TMEM65: variants seen among roughly 807,000 people sequenced by gnomAD.
TMEM65 encodes transmembrane protein 65.
A neutral mutation model predicts 25.4 loss-of-function variants in TMEM65; 22 were observed. The ratio of observed to expected loss-of-function variants is 0.86; its 90% CI spans 0.62 to 1.23. The LOEUF (loss-of-function observed/expected upper bound fraction) is 1.23. Among genes scored for constraint, TMEM65 ranks in the 50% most tolerant of loss-of-function variants. TMEM65 has a pLI of 0.00. For missense variants in TMEM65, 262 were observed against 308.2 expected, an observed-to-expected ratio of 0.85 and a Z score of 1.12; for synonymous variants, 132 against 126.2, an observed-to-expected ratio of 1.05 and a Z score of -0.31.
intron 1 of TMEM65, among the ~76,000 whole-genome samples, chr8:124,355,864 G>C (rs1197375504): frequency 6.6e-6 from 1 of 152,186 alleles, no homozygotes; most frequent in Non-Finnish European, 1.5e-5. Flanking sequence ...AGGTGAACAG[G>C]TGAAGGCAGA....
chr8:124,317,197 A>C (rs1814247849), intron 6 of TMEM65, among the ~76,000 whole-genome samples: 3 of 152,164 alleles, frequency 2.0e-5, no homozygotes, highest in Non-Finnish European at 2.9e-5. Flanking sequence ...TCTTCATTAA[A>C]ATAAATTCCA....
At chr8:124,322,259 A>T in intron 4 of TMEM65, 112 bp from the exon 5 acceptor site, 1 of 729,326 alleles carries the variant, frequency 1.4e-6, no homozygotes, top group Non-Finnish European at 2.2e-6. Flanking sequence ...AAACAACAGC[A>T]ACCATATCCA....
intron 1 of TMEM65, among the ~76,000 whole-genome samples, chr8:124,334,763 C>CAAAAAAAA: frequency 1.2e-5 from 1 of 86,028 alleles, no homozygotes; most frequent in Non-Finnish European, 2.5e-5. Context: ...GACTCCGTCT[C>CAAAAAAAA]AAAAAAAAAA....
chr8:124,320,017 G>A, intron 6 of TMEM65, 69 bp downstream of exon 6: 1 of 1,136,204 alleles, frequency 8.8e-7, no homozygotes, highest in Non-Finnish European at 1.2e-6. Flanking sequence ...AATTTCTCAA[G>A]GGCCTGAACT....
At chr8:124,319,930 A>C (rs1306036810) in intron 6 of TMEM65, among the ~76,000 whole-genome samples, 156 bp downstream of exon 6, 1 of 152,224 alleles carries the variant, frequency 6.6e-6, no homozygotes, top group African/African-American at 2.4e-5. Context: ...TAATAACACA[A>C]ATTACTGTTC....
chr8:124,333,451 C>T (rs1358753001), intron 1 of TMEM65, among the ~76,000 whole-genome samples: 1 of 140,170 alleles, frequency 7.1e-6, no homozygotes, highest in Admixed American at 7.6e-5. Flanking sequence ...ACAGTTCTTT[C>T]CATCTGTGTG....
At chr8:124,360,265 C>A (rs964088795) in intron 1 of TMEM65, among the ~76,000 whole-genome samples, 8 of 151,892 alleles carry the variant, frequency 5.3e-5, no homozygotes, top group African/African-American at 1.9e-4. Context: ...TCAGTCTCTA[C>A]TAAAAATGCA....
chr8:124,357,829 C>CTTTTTTTTTTTTTTTTTTTTTTTATTCT (rs35830531), intron 1 of TMEM65, among the ~76,000 whole-genome samples: 1 of 105,848 alleles, frequency 9.4e-6, no homozygotes, highest in Non-Finnish European at 1.8e-5. Flanking sequence ...ACTTTTTTAT[C>CTTTTTTTTTTTTTTTTTTTTTTTATTCT]TTTTTTTTTT....
rs1199429499 is a variant in TMEM65 at position 124,320,147 on chromosome 8, G to C, written c.560C>G (p.Ser187Ter). Reference sequence around the variant, plus strand: ...TTGCTTTGGTGTGAGATCAGGAATTGACAGGCCTAACCTGGAAGCCAATGC... The same window carrying C: ...TTGCTTTGGTGTGAGATCAGGAATTCACAGGCCTAACCTGGAAGCCAATGC... Reference protein sequence around the residue: ...VEALASRLGLSIPDLTPKQVD... With the variant: ...VEALASRLGL The change falls in exon 6 of 7, where the codon TCA becomes TGA. Residue 187 changes from serine (S) to a stop codon, truncating the protein, a stop_gained. Coordinates refer to ENST00000297632, the MANE Select transcript of TMEM65 (RefSeq NM_194291.3). LOFTEE classifies it high-confidence loss of function. The C allele has an allele frequency of 3.1e-6, 5 of 1,613,350 alleles. No individual in the cohort carries two copies. Among genetic ancestry groups the C allele is most frequent in the Non-Finnish European group, 4.2e-6 (5 of 1,179,486 alleles).
chr8:124,361,053 T>C (rs1187892827), intron 1 of TMEM65, among the ~76,000 whole-genome samples: 1 of 152,194 alleles, frequency 6.6e-6, no homozygotes, highest in Non-Finnish European at 1.5e-5. Context: ...TCTAAAAAAA[T>C]GCAAAATGGT....
chr8:124,319,769 T>G (rs889214325), intron 6 of TMEM65, among the ~76,000 whole-genome samples: 3 of 152,154 alleles, frequency 2.0e-5, no homozygotes, highest in Non-Finnish European at 4.4e-5. Context: ...ATATGTTTGG[T>G]TTTCCACCTA....
intron 1 of TMEM65, among the ~76,000 whole-genome samples, chr8:124,331,664 T>G (rs1814433752): frequency 6.6e-6 from 1 of 151,702 alleles, no homozygotes; most frequent in South Asian, 2.1e-4. Context: ...GGTAAAAAGG[T>G]AGAAAATTCT....
At chr8:124,333,165 TCAG>T (rs1225274307) in intron 1 of TMEM65, among the ~76,000 whole-genome samples, 1 of 145,642 alleles carries the variant, frequency 6.9e-6, no homozygotes, top group African/African-American at 2.6e-5. Context: ...AAAACATACA[TCAG>T]AAGTAAAAAA....
chr8:124,334,699 G>A (rs1187269817), intron 1 of TMEM65, among the ~76,000 whole-genome samples: 3 of 146,614 alleles, frequency 2.0e-5, no homozygotes, highest in African/African-American at 5.1e-5. Flanking sequence ...AGGAGGTGGA[G>A]GTTGCAGTGA....
intron 1 of TMEM65, among the ~76,000 whole-genome samples, chr8:124,361,784 G>A (rs1287770160): frequency 3.3e-5 from 5 of 151,828 alleles, no homozygotes; most frequent in African/African-American, 1.2e-4. Context: ...TGCAGTGAGC[G>A]GAGATTGCGC....
rs1814198158 is a variant in TMEM65, at chr8:124,313,866, A to G, written c.*94T>C. 1.2e-6 allele frequency: 1 copy of G among 827,514 alleles called. No individual in the cohort carries two copies. The allele number at this position is 827,514 out of a possible 1,614,324, so 51.3% of individuals were successfully genotyped here. On this transcript the variant is annotated 3_prime_UTR_variant, in exon 7 of 7. Coordinates refer to ENST00000297632, the MANE Select transcript of TMEM65 (RefSeq NM_194291.3). ...TGCTAAATTATTTGATCCCATATCT[A>G]TACTGTTACTGTCTTAATTCCTAAA...
intron 6 of TMEM65, among the ~76,000 whole-genome samples, chr8:124,315,781 C>T (rs1275338995): frequency 6.6e-6 from 1 of 152,056 alleles, no homozygotes; most frequent in Admixed American, 6.6e-5. Context: ...CTGTTATTTT[C>T]GTTATGCCAA....
chr8:124,344,707 C>G (rs968574011), intron 1 of TMEM65, among the ~76,000 whole-genome samples: 1 of 152,188 alleles, frequency 6.6e-6, no homozygotes, highest in Non-Finnish European at 1.5e-5. Context: ...GTTCAATTGA[C>G]AGGAGCTCCT....
chr8:124,372,245 A>T lies in TMEM65; in HGVS notation c.-88T>A. On this transcript the variant is annotated 5_prime_UTR_variant, in exon 1 of 7. Coordinates refer to ENST00000297632, the MANE Select transcript of TMEM65 (RefSeq NM_194291.3). Reference sequence around the variant, plus strand: ...GCGAGAAGGAGCTGGGCTCAGCTCGACCCCGCCCCGAGGTCCTCCTGCCAG... The same window carrying T: ...GCGAGAAGGAGCTGGGCTCAGCTCGTCCCCGCCCCGAGGTCCTCCTGCCAG... 8.6e-7 allele frequency: 1 copy of T among 1,156,714 alleles called. No individual in the cohort carries two copies. Among genetic ancestry groups the T allele is most frequent in the Non-Finnish European group, 1.1e-6 (1 of 931,068 alleles). The allele number at this position is 1,156,714 out of a possible 1,614,324, so 71.7% of individuals were successfully genotyped here.
Sources: allele counts gnomAD v4.1 joint callset (sites outside exome capture counted in the v4.1 genomes callset), GRCh38; gene constraint gnomAD v4.1.1; transcripts MANE v1.5; gene names NCBI Gene and HGNC (gene_info 2026-07-23, HGNC 2026-07-21).